The following FOXP2 variants were observed in gnomAD, a reference collection of about 807,000 sequenced individuals.
FOXP2 encodes the protein forkhead box P2, also known as forkhead box protein P2.
In FOXP2, 12 loss-of-function variants were observed where a neutral mutation model predicts 115.8. The ratio of observed to expected loss-of-function variants is 0.10; its 90% CI spans 0.07 to 0.17. FOXP2 has a LOEUF of 0.17. Ranked by LOEUF, FOXP2 falls within the 10% of genes least tolerant of loss-of-function variation. FOXP2 has a pLI of 1.00. For missense variants in FOXP2, 629 were observed against 843.5 expected (o/e 0.75, Z 3.15); for synonymous variants, 328 against 297.7 (o/e 1.10, Z -1.05).
rs1216188841 is a variant in FOXP2, at chr7:114,506,796, G to A, written c.169-27821G>A. Among the ~76,000 whole-genome samples the A allele has an allele frequency of 2.0e-5, 3 of 151,796 alleles. No homozygotes were observed. The East Asian group carries it at 5.8e-4, about 29-fold the overall frequency. ...GAACTGGCCTGATTTCATTGATTAA[G>A]TGCTCAGTGGTTGGCACTCACTAGG... On this transcript the variant is annotated intron_variant, in intron 2 of 16. Coordinates refer to ENST00000350908, the MANE Select transcript of FOXP2 (RefSeq NM_014491.4).
intron 2 of FOXP2, among the ~76,000 whole-genome samples, chr7:114,335,932 G>A (rs1466111680): frequency 6.6e-6 from 1 of 151,678 alleles, no homozygotes; most frequent in Non-Finnish European, 1.5e-5. Flanking sequence ...GTACTATGTA[G>A]ATGTGGATGT....
chr7:114,135,985 G>A (rs1289656138), intron 1 of FOXP2, among the ~76,000 whole-genome samples: 2 of 151,948 alleles, frequency 1.3e-5, no homozygotes, highest in South Asian at 4.1e-4. Context: ...TACACCTAAT[G>A]TTCCTTCCCC....
At chr7:114,229,182 T>C (rs1302671729) in intron 1 of FOXP2, among the ~76,000 whole-genome samples, 3 of 150,948 alleles carry the variant, frequency 2.0e-5, no homozygotes, top group Non-Finnish European at 4.4e-5. Flanking sequence ...AAAGAGTAAA[T>C]TCATCATGAA....
At chr7:114,632,861 T>G (rs986786612) in intron 6 of FOXP2, among the ~76,000 whole-genome samples, 1 of 152,234 alleles carries the variant, frequency 6.6e-6, no homozygotes, top group African/African-American at 2.4e-5. Flanking sequence ...ATAAATATTC[T>G]AAAGAAAATT....
chr7:114,162,637 T>C (rs116887519), upstream of FOXP2, among the ~76,000 whole-genome samples: 531 of 152,206 alleles, frequency 3.5e-3, 7 homozygotes, highest in East Asian at 0.021. Context: ...TTTGCAAAAT[T>C]ATGTTAAAGT....
chr7:114,680,744 T>TA lies in FOXP2; in HGVS notation c.2004-9021dup, dbSNP rs773843932. ...TGGGCAACAAGAGTGAGACTCCATC[T>TA]AAAAAAAAAAAAAAAAAGTTGAAGA... On this transcript the variant is annotated intron_variant, in intron 16 of 16. Coordinates refer to ENST00000350908, the MANE Select transcript of FOXP2 (RefSeq NM_014491.4). 4.2e-3 allele frequency among the ~76,000 whole-genome samples: 499 copies of TA among 119,100 alleles called. 5 individuals are homozygous for TA. The East Asian group carries it at 0.043, about 10-fold the overall frequency. 78.1% of individuals were successfully genotyped at this position (119,100 alleles called of 152,430 possible).
chr7:114,653,870 A>G, intron 9 of FOXP2, 56 bp from the exon 10 acceptor site: 6 of 1,518,466 alleles, frequency 4.0e-6, no homozygotes, highest in South Asian at 3.4e-5. Flanking sequence ...TCACTGCAAT[A>G]AAATAGCTGT....
At chr7:114,556,735 G>T (rs1045773959) in intron 3 of FOXP2, among the ~76,000 whole-genome samples, 2 of 152,086 alleles carry the variant, frequency 1.3e-5, no homozygotes, top group Admixed American at 6.6e-5. Context: ...CCCTATATAA[G>T]CACAGCATTT....
intron 1 of FOXP2, among the ~76,000 whole-genome samples, chr7:114,175,249 G>GT (rs1346387306): frequency 2.6e-5 from 4 of 151,952 alleles, no homozygotes; most frequent in African/African-American, 9.7e-5. Context: ...CTACTTACTC[G>GT]TTAAGTCCAC....
chr7:114,388,210 T>C (rs894488359), intron 2 of FOXP2, among the ~76,000 whole-genome samples: 3 of 152,164 alleles, frequency 2.0e-5, no homozygotes, highest in African/African-American at 7.2e-5. Flanking sequence ...CTTCTCACAC[T>C]CTTATCAGAT....
intron 2 of FOXP2, among the ~76,000 whole-genome samples, chr7:114,302,811 G>A (rs916900808): frequency 3.2e-4 from 48 of 152,150 alleles, no homozygotes; most frequent in African/African-American, 1.0e-3. Context: ...TTTTTGAGAA[G>A]GCTGGGAAAT....
rs888656904 is a variant in FOXP2 at position 114,371,536 on chromosome 7, A to G, written c.-10-54966A>G. 4.6e-5 allele frequency among the ~76,000 whole-genome samples: 7 copies of G among 152,126 alleles called. No homozygotes were observed. In the East Asian group the frequency reaches 1.2e-3, roughly 25 times the overall value. On this transcript the variant is annotated intron_variant, in intron 2 of 17. Coordinates refer to the FOXP2 transcript ENST00000634411. ...ACATTGTATTTGATGTAAAAGATAT[A>G]TGCTTTTCAGAGTGGAAAAATAAAC...
At chr7:114,328,294 T>G (rs1268942003) in intron 2 of FOXP2, among the ~76,000 whole-genome samples, 3 of 148,086 alleles carry the variant, frequency 2.0e-5, no homozygotes, top group African/African-American at 5.0e-5. Flanking sequence ...TGGAGTCCAG[T>G]GGCGCGATCT....
At chr7:114,203,970 A>G (rs889555084) in intron 1 of FOXP2, among the ~76,000 whole-genome samples, 4 of 152,130 alleles carry the variant, frequency 2.6e-5, no homozygotes, top group Non-Finnish European at 4.4e-5. Context: ...ATAGTTCTTT[A>G]TATGTACATG....
chr7:114,517,389 T>G (rs1274758654), intron 2 of FOXP2, among the ~76,000 whole-genome samples: 7 of 152,194 alleles, frequency 4.6e-5, no homozygotes. Flanking sequence ...GCCTGTGTTT[T>G]GGGGCTCATA....
intron 3 of FOXP2, among the ~76,000 whole-genome samples, chr7:114,535,290 C>T (rs928641384): frequency 3.3e-5 from 5 of 150,532 alleles, no homozygotes; most frequent in African/African-American, 1.2e-4. Flanking sequence ...TAATATAATC[C>T]TTGTTTTATG....
chr7:114,246,516 C>A (rs1050881035), intron 1 of FOXP2, among the ~76,000 whole-genome samples: 2 of 152,034 alleles, frequency 1.3e-5, no homozygotes, highest in African/African-American at 2.4e-5. Flanking sequence ...TATGTTGTTT[C>A]TCACTACAAA....
At chr7:114,599,721 G>C (rs1054075311) in intron 3 of FOXP2, among the ~76,000 whole-genome samples, 1 of 152,002 alleles carries the variant, frequency 6.6e-6, no homozygotes, top group African/African-American at 2.4e-5. Flanking sequence ...CTCAGTTCCA[G>C]TACTGGTTAT....
chr7:114,430,562 C>T (rs1794061233), intron 2 of FOXP2, among the ~76,000 whole-genome samples: 1 of 151,746 alleles, frequency 6.6e-6, no homozygotes, highest in African/African-American at 2.4e-5. Flanking sequence ...ACTTAACACT[C>T]ACATCTTCAC....
Sources: allele counts gnomAD v4.1 joint callset (sites outside exome capture counted in the v4.1 genomes callset), GRCh38; gene constraint gnomAD v4.1.1; transcripts MANE v1.5; gene names NCBI Gene and HGNC (gene_info 2026-07-23, HGNC 2026-07-21).